Variants in MAN2A1 observed in about 807,000 individuals in gnomAD.
MAN2A1 encodes alpha-mannosidase 2.
In MAN2A1, 76 loss-of-function variants were observed where a neutral mutation model predicts 142.6. The observed-to-expected ratio is 0.53, with a 90% confidence interval of 0.44 to 0.65. The LOEUF is 0.65. MAN2A1 is among the 30% of genes least tolerant of loss of function. MAN2A1 has a pLI of 0.00. For synonymous variants in MAN2A1, 559 were observed against 473.2 expected (o/e 1.18, Z -2.35); for missense variants, 1,311 against 1,365.1 (o/e 0.96, Z 0.62).
chr5:109,690,629 C>T, intron 1 of MAN2A1, 77 bp downstream of exon 1: 2 of 1,469,566 alleles, frequency 1.4e-6, no homozygotes, highest in Non-Finnish European at 1.8e-6. Context: ...GCTACCCAAC[C>T]TCTTCCTCCC....
Position 109,781,399 on chromosome 5 carries a change from C to G in MAN2A1, c.1378C>G (p.Gln460Glu). 6.3e-7 allele frequency: 1 copy of G among 1,586,108 alleles called. No individual in the cohort carries two copies. The change falls in exon 9 of 22, where the codon CAG becomes GAG. Residue 460 changes from glutamine (Q) to glutamate (E), a missense_variant. Gln to Glu is a conservative substitution (Grantham distance 29). This residue lies in a region of MAN2A1 where 890 missense variants were observed against 920.5 expected (regional missense o/e 0.97). Transcript: ENST00000261483. ...NSQSKFKVKI[Q>E]FGTLSDFFDA... ...AAGTGCATTTTTTTAAAACTAGATA[C>G]AGTTTGGAACTTTATCAGATTTTTT... is the stretch of plus-strand genomic sequence containing the variant.
intron 3 of MAN2A1, among the ~76,000 whole-genome samples, chr5:109,728,824 A>AT (rs970472741): frequency 2.4e-4 from 36 of 152,132 alleles, no homozygotes; most frequent in African/African-American, 8.4e-4. Flanking sequence ...TTATGGTGTA[A>AT]TTACCTTATT....
intron 1 of MAN2A1, among the ~76,000 whole-genome samples, chr5:109,705,693 G>C (rs1322161033): frequency 6.6e-6 from 1 of 152,168 alleles, no homozygotes; most frequent in Non-Finnish European, 1.5e-5. Context: ...CAGATCTTTA[G>C]GTCAGAAGTC....
chr5:109,805,234 T>C (rs1427420740), intron 12 of MAN2A1, among the ~76,000 whole-genome samples: 1 of 152,214 alleles, frequency 6.6e-6, no homozygotes, highest in African/African-American at 2.4e-5. Flanking sequence ...TTTGTTGCTT[T>C]AATATCAAAA....
At chr5:109,735,937 A>G (rs1209599004) in intron 4 of MAN2A1, among the ~76,000 whole-genome samples, 1 of 115,320 alleles carries the variant, frequency 8.7e-6, no homozygotes, top group Non-Finnish European at 1.6e-5. Flanking sequence ...TACAGGTTTG[A>G]CTAGGAAGTG....
intron 12 of MAN2A1, among the ~76,000 whole-genome samples, chr5:109,815,405 A>G (rs773862956): frequency 3.3e-5 from 5 of 152,124 alleles, no homozygotes; most frequent in Non-Finnish European, 5.9e-5. Flanking sequence ...CTCTTTGTAA[A>G]TATGTTTGTG....
At chr5:109,696,551 A>G (rs1391851031) in intron 1 of MAN2A1, among the ~76,000 whole-genome samples, 1 of 152,208 alleles carries the variant, frequency 6.6e-6, no homozygotes, top group Non-Finnish European at 1.5e-5. Flanking sequence ...ATTTTGGGCC[A>G]GAGAATTCTT....
chr5:109,774,649 G>T lies in MAN2A1; in HGVS notation c.1197-139G>T, dbSNP rs1582884090. ...TCTGTCTTTAAATTATACTAACCTT[G>T]CAGATAGATAAAATATACAGTTTCT... On this transcript the variant is annotated intron_variant, in intron 7 of 21. Coordinates refer to ENST00000261483, the MANE Select transcript of MAN2A1 (RefSeq NM_002372.4). 6.5e-6 allele frequency: 4 copies of T among 611,784 alleles called. No homozygotes were observed. The East Asian group carries it at 9.2e-5, about 14-fold the overall frequency. 37.9% of individuals were successfully genotyped at this position (611,784 alleles called of 1,614,324 possible).
At chr5:109,767,878 T>G (rs1277042566) in intron 6 of MAN2A1, among the ~76,000 whole-genome samples, 170 bp downstream of exon 6, 1 of 152,174 alleles carries the variant, frequency 6.6e-6, no homozygotes, top group African/African-American at 2.4e-5. Context: ...TCAAGATTCT[T>G]TTAAGTAATA....
chr5:109,819,995 A>G (rs141285876), intron 14 of MAN2A1, 108 bp downstream of exon 14: 25 of 877,124 alleles, frequency 2.9e-5, no homozygotes, highest in Non-Finnish European at 3.9e-5. Context: ...GAGCTGTATC[A>G]AATACTCTTG....
intron 4 of MAN2A1, among the ~76,000 whole-genome samples, chr5:109,751,410 C>G (rs1465062390): frequency 1.3e-5 from 2 of 151,954 alleles, no homozygotes; most frequent in Non-Finnish European, 2.9e-5. Flanking sequence ...TAAATCAACA[C>G]TTAGGTTGAT....
chr5:109,828,839 A>T (rs957657792), intron 16 of MAN2A1, among the ~76,000 whole-genome samples: 1 of 152,248 alleles, frequency 6.6e-6, no homozygotes, highest in African/African-American at 2.4e-5. Context: ...ATGGAAGGAA[A>T]GACTTTCCTT....
intron 3 of MAN2A1, among the ~76,000 whole-genome samples, chr5:109,716,720 A>G (rs1217576164): frequency 2.6e-5 from 4 of 152,200 alleles, no homozygotes; most frequent in Admixed American, 6.5e-5. Context: ...GCACATACGA[A>G]TGTGAGTCTC....
intron 4 of MAN2A1, among the ~76,000 whole-genome samples, chr5:109,739,138 AGTCCGT>A: frequency 6.6e-6 from 1 of 152,122 alleles, no homozygotes; most frequent in African/African-American, 2.4e-5. Flanking sequence ...CACTGTGCTC[AGTCCGT>A]ATAATGGGAA....
intron 5 of MAN2A1, among the ~76,000 whole-genome samples, chr5:109,766,913 G>T (rs1479431927): frequency 6.6e-6 from 1 of 151,928 alleles, no homozygotes; most frequent in Non-Finnish European, 1.5e-5. Context: ...CACATTATTG[G>T]TGTGAGCCAG....
chr5:109,822,220 C>T (rs1179663254), intron 15 of MAN2A1, among the ~76,000 whole-genome samples: 1 of 147,404 alleles, frequency 6.8e-6, no homozygotes, highest in Non-Finnish European at 1.5e-5. Context: ...AACTACAACT[C>T]ATATGAGGCA....
At chr5:109,769,076 G>A (rs1753068810) in intron 6 of MAN2A1, among the ~76,000 whole-genome samples, 1 of 152,138 alleles carries the variant, frequency 6.6e-6, no homozygotes, top group Non-Finnish European at 1.5e-5. Context: ...AGGAGAATTA[G>A]TGGGGTATGG....
At chr5:109,723,654 A>T (rs912323367) in intron 3 of MAN2A1, among the ~76,000 whole-genome samples, 4 of 152,182 alleles carry the variant, frequency 2.6e-5, no homozygotes, top group African/African-American at 9.6e-5. Flanking sequence ...TCCTCCCTCC[A>T]AAGTTCTCTG....
At position 109,845,945 on chromosome 5, in the gene MAN2A1, T is replaced by C. The variant is rs777057094; in HGVS notation, c.2781T>C (p.Asp927=). Residue 927 remains aspartate, a synonymous_variant, in exon 18 of 22, where the codon GAT becomes GAC. Coordinates refer to ENST00000261483, the MANE Select transcript of MAN2A1 (RefSeq NM_002372.4). ...YPMTTMAYIQ[D]AKHRLTLLSA... is the part of the protein sequence containing the mutation. ...TGACCACAATGGCCTATATCCAGGA[T>C]GCCAAACATCGTTTGACACTGCTCT... 3.7e-6 allele frequency: 6 copies of C among 1,613,876 alleles called. No homozygotes were observed. The highest frequency in any genetic ancestry group is 1.3e-5 in the African/African-American group (1 of 75,040).
Sources: gnomAD v4.1 joint callset for allele counts (sites outside exome capture counted in the v4.1 genomes callset) on GRCh38, gnomAD v4.1.1 for gene constraint, gnomAD v4.1.1 regional missense constraint, MANE v1.5 for transcripts, NCBI Gene and HGNC (gene_info 2026-07-23, HGNC 2026-07-21) for gene names.